The following ZNF292 variants were observed in gnomAD, a reference collection of about 807,000 sequenced individuals.
ZNF292 encodes the protein 16 zinc-finger domain protein.
ZNF292 carries 26 observed loss-of-function variants against 217.9 expected under a neutral mutation model. That is an observed-to-expected ratio of 0.12 (90% confidence interval 0.09 to 0.17). The LOEUF is 0.17. Among genes scored for constraint, ZNF292 ranks in the 10% least tolerant of loss-of-function variants. The pLI, the probability that ZNF292 is intolerant of heterozygous loss-of-function variation, is 1.00. For missense variants in ZNF292, 2,904 were observed against 3,175.2 expected (o/e 0.91, Z 2.05); for synonymous variants, 1,257 against 1,124.1 (o/e 1.12, Z -2.37).
At chr6:87,239,565 G>A (rs1340983201) in intron 5 of ZNF292, among the ~76,000 whole-genome samples, 8 of 106,918 alleles carry the variant, frequency 7.5e-5, no homozygotes, top group South Asian at 3.1e-4. Flanking sequence ...GGCGGCTGCC[G>A]GGCGGAGACG....
At chr6:87,169,433 T>C (rs187986120) in intron 1 of ZNF292, among the ~76,000 whole-genome samples, 1 of 152,252 alleles carries the variant, frequency 6.6e-6, no homozygotes. Context: ...TAATTAACAA[T>C]TGGCTTGGTT....
At chr6:87,160,947 A>G (rs1363238312) in intron 1 of ZNF292, among the ~76,000 whole-genome samples, 2 of 152,188 alleles carry the variant, frequency 1.3e-5, no homozygotes, top group East Asian at 3.8e-4. Flanking sequence ...ATTGAACAGA[A>G]AGAAAAATAG....
rs1284159425 is a variant in ZNF292, at chr6:87,245,557, A to G, written c.933A>G (p.Gln311=). The change falls in exon 7 of 8, where the codon CAA becomes CAG. Residue 311 remains glutamine (Q), a synonymous_variant. Coordinates refer to ENST00000369577, the MANE Select transcript of ZNF292 (RefSeq NM_015021.3). ...AACAAAGAGTAGAACCATCTATACA[A>G]GTGTACCTTGAGAGGTGTCGTCAAC... ...KLQQRVEPSI[Q]VYLERCRQLS... is the part of the protein sequence containing the mutation. The G allele has an allele frequency of 4.5e-6, 7 of 1,566,490 alleles. No individual in the cohort carries two copies. The highest frequency in any genetic ancestry group is 5.2e-6 in the Non-Finnish European group (6 of 1,154,860).
At chr6:87,198,803 T>G (rs1390782220) in intron 1 of ZNF292, among the ~76,000 whole-genome samples, 2 of 152,228 alleles carry the variant, frequency 1.3e-5, no homozygotes, top group African/African-American at 4.8e-5. Flanking sequence ...GCAGAATACA[T>G]GAATATTCTT....
At chr6:87,214,937 G>A (rs1772669088) in intron 1 of ZNF292, 1 of 145,750 alleles carries the variant, frequency 6.9e-6, no homozygotes, top group Non-Finnish European at 1.5e-5. Flanking sequence ...AAGTGCTTCT[G>A]TATGCCAGAG....
chr6:87,247,843 A>C (rs1020640403), intron 7 of ZNF292, among the ~76,000 whole-genome samples: 1 of 152,220 alleles, frequency 6.6e-6, no homozygotes, highest in African/African-American at 2.4e-5. Context: ...AAGTATCAAA[A>C]TGACCAAGCA....
chr6:87,200,532 G>A (rs990683820), intron 1 of ZNF292, among the ~76,000 whole-genome samples: 1 of 152,290 alleles, frequency 6.6e-6, no homozygotes, highest in South Asian at 2.1e-4. Flanking sequence ...AAACATGCTC[G>A]TGTTTTTCCA....
At chr6:87,230,175 G>C (rs1773574245) in intron 4 of ZNF292, among the ~76,000 whole-genome samples, 1 of 152,168 alleles carries the variant, frequency 6.6e-6, no homozygotes, top group East Asian at 1.9e-4. Context: ...ACGTAATGTG[G>C]TGTAGAGATA....
Position 87,190,141 on chromosome 6 carries a change from T to C in ZNF292, c.169-25762T>C, listed in dbSNP as rs565612685. 2.7e-4 allele frequency among the ~76,000 whole-genome samples: 41 copies of C among 152,354 alleles called. No individual in the cohort carries two copies. In the South Asian group the frequency reaches 8.3e-3, roughly 31 times the overall value. ...ATATGTGTGTATTAGAGGGATATTC[T>C]AGTCTTTGGATTGAGAAGAAAATTT... On this transcript the variant is annotated intron_variant, in intron 1 of 7. Coordinates refer to ENST00000369577, the MANE Select transcript of ZNF292 (RefSeq NM_015021.3).
chr6:87,244,231 G>T (rs1022599767), intron 6 of ZNF292, among the ~76,000 whole-genome samples: 7 of 152,150 alleles, frequency 4.6e-5, no homozygotes, highest in African/African-American at 1.7e-4. Context: ...TAAATCAATG[G>T]TTGTGTAATC....
rs764799477 is a variant in ZNF292, at chr6:87,245,493, T to C, written c.879-10T>C. ...TCCAACTTTTCTTATTATAACTTTT[T>C]TTTTTTAAGGGAACTTACTCTCTTT... is the stretch of plus-strand genomic sequence containing the variant. On this transcript the variant is annotated splice_polypyrimidine_tract_variant and intron_variant, in intron 6 of 7. Coordinates refer to ENST00000369577, the MANE Select transcript of ZNF292 (RefSeq NM_015021.3). The C allele has an allele frequency of 1.8e-5, 27 of 1,491,962 alleles. No homozygotes were observed. The highest frequency in any genetic ancestry group is 1.5e-4 in the South Asian group (11 of 74,560). 92.4% of individuals were successfully genotyped at this position (1,491,962 alleles called of 1,614,324 possible).
At chr6:87,254,627 A>G (rs1359913900) in intron 7 of ZNF292, 23 bp from the exon 8 acceptor site, 11 of 1,556,188 alleles carry the variant, frequency 7.1e-6, no homozygotes, top group East Asian at 2.3e-5. Flanking sequence ...TTAAATTAAC[A>G]TTTCCTATTT....
rs60486090 is a variant in ZNF292 at position 87,250,023 on chromosome 6, T to TAA, written c.1020+4391_1020+4392dup. Among the ~76,000 whole-genome samples, 246 of 99,210 alleles carry TAA rather than the reference T, an allele frequency of 2.5e-3. 14 individuals are homozygous for TAA. Among genetic ancestry groups the TAA allele is most frequent in the East Asian group, 9.7e-3 (33 of 3,388 alleles). The allele number at this position is 99,210 out of a possible 152,430, so 65.1% of individuals were successfully genotyped here. On this transcript the variant is annotated intron_variant, in intron 7 of 7. Coordinates refer to ENST00000369577, the MANE Select transcript of ZNF292 (RefSeq NM_015021.3). ...CTGTACCCAGCCAACTGGTAACCCT[T>TAA]AAAAAAAAAAAAACAAAAAAAAAAA... is the stretch of plus-strand genomic sequence containing the variant.
intron 7 of ZNF292, among the ~76,000 whole-genome samples, chr6:87,254,056 TA>T (rs1452897407): frequency 1.3e-5 from 2 of 152,230 alleles, no homozygotes; most frequent in Non-Finnish European, 2.9e-5. Context: ...CATTTGGTTT[TA>T]TGATAGCACT....
intron 5 of ZNF292, among the ~76,000 whole-genome samples, chr6:87,234,872 T>A (rs1197302813): frequency 6.6e-6 from 1 of 152,240 alleles, no homozygotes; most frequent in East Asian, 1.9e-4. Context: ...GTGTGATTTT[T>A]TTTTTCCTTG....
At chr6:87,206,317 C>T (rs1388788851) in intron 1 of ZNF292, among the ~76,000 whole-genome samples, 1 of 145,394 alleles carries the variant, frequency 6.9e-6, no homozygotes, top group African/African-American at 2.7e-5. Flanking sequence ...ATTCAATCTA[C>T]CACACTTCCC....
chr6:87,253,308 A>C (rs1304507740), intron 7 of ZNF292, among the ~76,000 whole-genome samples: 1 of 144,954 alleles, frequency 6.9e-6, no homozygotes, highest in Non-Finnish European at 1.5e-5. Context: ...TGCTCACTGC[A>C]GCCTCAGCCT....
At chr6:87,197,052 G>A (rs1456138302) in intron 1 of ZNF292, among the ~76,000 whole-genome samples, 1 of 147,548 alleles carries the variant, frequency 6.8e-6, no homozygotes, top group Non-Finnish European at 1.5e-5. Flanking sequence ...AAATCCAAAT[G>A]TCCAACAAAT....
chr6:87,225,216 C>T (rs1241597912), intron 4 of ZNF292, among the ~76,000 whole-genome samples: 1 of 152,078 alleles, frequency 6.6e-6, no homozygotes, highest in African/African-American at 2.4e-5. Context: ...TGTTTGTTTT[C>T]TTATTGTTGA....
Sources: allele counts gnomAD v4.1 joint callset (sites outside exome capture counted in the v4.1 genomes callset), GRCh38; gene constraint gnomAD v4.1.1; transcripts MANE v1.5; gene names NCBI Gene and HGNC (gene_info 2026-07-23, HGNC 2026-07-21).